Variants in AP3M2 observed in about 807,000 individuals in gnomAD.
The protein encoded by AP3M2 is adaptor related protein complex 3 subunit mu 2, also known as AP-3 complex subunit mu-2.
Under a neutral mutation model 41.6 loss-of-function variants are expected in AP3M2, and 28 were observed. That is an observed-to-expected ratio of 0.67 (90% CI 0.50 to 0.92). The LOEUF (loss-of-function observed/expected upper bound fraction) is 0.92. AP3M2 is among the 40% of genes least tolerant of loss of function. AP3M2 has a pLI of 0.00. For missense variants in AP3M2, 427 were observed against 521.4 expected, an observed-to-expected ratio of 0.82 and a Z score of 1.76; for synonymous variants, 193 against 186.4, an observed-to-expected ratio of 1.04 and a Z score of -0.29.
intron 2 of AP3M2, among the ~76,000 whole-genome samples, chr8:42,155,546 A>G (rs757791516): frequency 1.3e-5 from 2 of 152,122 alleles, no homozygotes; most frequent in Non-Finnish European, 2.9e-5. Flanking sequence ...GGCAGTTTTC[A>G]TTTTAAGCTT....
rs1234259557 is a variant in AP3M2 at position 42,167,892 on chromosome 8, C to G, written c.1156+82C>G. 7 of 1,475,680 alleles carry G rather than the reference C, an allele frequency of 4.7e-6. No homozygotes were observed. The South Asian group carries it at 8.0e-5, about 17-fold the overall frequency. The allele number at this position is 1,475,680 out of a possible 1,614,324, so 91.4% of individuals were successfully genotyped here. ...ATGGCGCAGGCACCAGGAAGCCTTT[C>G]TGGGCTTCCTGTTTACAAGGTTTAG... On this transcript the variant is annotated intron_variant, in intron 8 of 8. Transcript: ENST00000396926.
chr8:42,165,718 C>G, intron 6 of AP3M2, 158 bp downstream of exon 6: 1 of 704,318 alleles, frequency 1.4e-6, no homozygotes, highest in Non-Finnish European at 2.3e-6. Flanking sequence ...TTGCTTAACC[C>G]CTATGTATCT....
chr8:42,158,228 T>G (rs1251622494), intron 3 of AP3M2, 116 bp downstream of exon 3: 8 of 1,093,916 alleles, frequency 7.3e-6, no homozygotes, highest in Non-Finnish European at 1.0e-5. Context: ...GTCCCAGTGC[T>G]TTAATTTTGC....
At chr8:42,166,591 CAAAAAA>C (rs56858276) in intron 6 of AP3M2, among the ~76,000 whole-genome samples, 4 of 77,056 alleles carry the variant, frequency 5.2e-5, no homozygotes, top group Admixed American at 1.6e-4. Flanking sequence ...CTTGTCTCTA[CAAAAAA>C]AAAAAAAAAA....
chr8:42,154,791 C>G lies in AP3M2; in HGVS notation c.104C>G (p.Ala35Gly), dbSNP rs149242459. The G allele has an allele frequency of 6.4e-4, 1,034 of 1,614,044 alleles. No individual in the cohort carries two copies. The highest frequency in any genetic ancestry group is 8.1e-4 in the Non-Finnish European group (961 of 1,179,998). The change falls in exon 2 of 9, where the codon GCG becomes GGG. Residue 35 changes from alanine to glycine, a missense_variant. Ala to Gly is a moderately conservative substitution (Grantham distance 60). This residue lies in a region of AP3M2 where 104 missense variants were observed against 93.8 expected (regional missense o/e 1.11). Coordinates refer to ENST00000396926, the MANE Select transcript of AP3M2 (RefSeq NM_006803.4). ...SRSVCDYFFE[A>G]QERATEAENV... ...TCTGTTTGTGATTACTTTTTTGAGG[C>G]GCAAGAGAGAGCTACTGAGGCAGAA...
chr8:42,153,801 T>G (rs929060863), intron 1 of AP3M2: 1 of 152,110 alleles, frequency 6.6e-6, no homozygotes, highest in Non-Finnish European at 1.5e-5. Context: ...AGGGATCTTT[T>G]TAAATGTCTT....
At position 42,162,328 on chromosome 8, in the gene AP3M2, G is replaced by A; in HGVS notation, c.493G>A (p.Val165Met). 1 of 1,613,904 alleles carries A rather than the reference G, an allele frequency of 6.2e-7. No individual in the cohort carries two copies. ...GCTTCCCACTGGGCAGCTGTCAGTGGTGCCTTGGCGACGGACTGGGGTGAA... is the reference window on the plus strand; with the variant it reads ...GCTTCCCACTGGGCAGCTGTCAGTGATGCCTTGGCGACGGACTGGGGTGAA... Reference protein sequence around the residue: ...DQLPTGQLSVVPWRRTGVKYT... With the variant: ...DQLPTGQLSVMPWRRTGVKYT... The change falls in exon 4 of 9, where the codon GTG becomes ATG. Residue 165 changes from valine to methionine, a missense_variant. By Grantham distance (21) the Val-to-Met change is conservative. Around this residue, in one of 3 missense-constraint regions of AP3M2, gnomAD observed 86 missense variants for 142.6 expected, o/e 0.60. Coordinates refer to ENST00000396926, the MANE Select transcript of AP3M2 (RefSeq NM_006803.4).
intron 4 of AP3M2, 107 bp downstream of exon 4, chr8:42,162,525 A>C: frequency 7.6e-7 from 1 of 1,315,232 alleles, no homozygotes; most frequent in Non-Finnish European, 1.0e-6. Context: ...ATCCACTTCA[A>C]TTTAGTGCCT....
intron 2 of AP3M2, among the ~76,000 whole-genome samples, chr8:42,157,081 G>A (rs1386643308): frequency 7.9e-5 from 12 of 152,116 alleles, no homozygotes; most frequent in African/African-American, 2.9e-4. Flanking sequence ...CAGAGGTCCT[G>A]GAAAAGACAT....
In AP3M2 at chr8:42,165,078, A is replaced by C. The variant is rs1220116201; in HGVS notation, c.591A>C (p.Thr197=). The C allele has an allele frequency of 6.2e-7, 1 of 1,613,734 alleles. No individual in the cohort carries two copies. Among genetic ancestry groups the C allele is most frequent in the Non-Finnish European group, 8.5e-7 (1 of 1,179,866 alleles). Residue 197 remains threonine, a synonymous_variant, in exon 5 of 9, where the codon ACA becomes ACC. Coordinates refer to ENST00000396926, the MANE Select transcript of AP3M2 (RefSeq NM_006803.4). The part of the protein sequence containing the change: ...IDAIIDKSGS[T]ITAEIQGVID... ...GTCTTATTCCTGTCTCAGGCTCCAC[A>C]ATTACTGCTGAGATCCAGGGGGTGA... is the stretch of plus-strand genomic sequence containing the variant.
Position 42,163,877 on chromosome 8 carries a change from C to T in AP3M2, c.584-1194C>T, listed in dbSNP as rs185693089. ...TTTTACATTTTACTGTTTACCTCAA[C>T]GAAAAAGTAAAATATATATGGCCAG... On this transcript the variant is annotated intron_variant, in intron 4 of 8. Transcript: ENST00000396926. Among the ~76,000 whole-genome samples the T allele has an allele frequency of 2.0e-4, 30 of 152,118 alleles. No homozygotes were observed. In the East Asian group the frequency reaches 5.2e-3, roughly 26 times the overall value.
In AP3M2 at chr8:42,167,208, G is replaced by A. The variant is rs764412097; in HGVS notation, c.848G>A (p.Arg283Gln). ...PVYVKHNISF[R>Q]DSSSLGRFEI... The stretch of plus-strand genomic sequence containing the variant: ...TATGTCAAACATAACATCAGTTTCC[G>A]GGACAGTAGTTCCCTTGGACGCTTT... Residue 283 changes from arginine (R) to glutamine (Q), a missense_variant, in exon 7 of 9, where the codon CGG becomes CAG. Coordinates refer to ENST00000396926, the MANE Select transcript of AP3M2 (RefSeq NM_006803.4). The A allele has an allele frequency of 6.4e-5, 104 of 1,613,998 alleles. 5 individuals carry two copies. In the South Asian group the frequency reaches 9.8e-4, roughly 15 times the overall value.
intron 4 of AP3M2, among the ~76,000 whole-genome samples, chr8:42,164,832 C>T (rs1185026919): frequency 6.6e-6 from 1 of 152,150 alleles, no homozygotes. Context: ...ATCACCGTTA[C>T]CTCACCATAG....
rs1804766496 is a variant in AP3M2, at chr8:42,170,397, TG to T, written c.*1338del. On this transcript the variant is annotated 3_prime_UTR_variant, in exon 9 of 9. Transcript: ENST00000396926. ...TGTAAGCAACCCAGTTTAAGAAACA[TG>T]GCAACTAAAGGGATACCTCAGGCTT... 6.6e-6 allele frequency: 1 copy of T among 152,214 alleles called. No homozygotes were observed. The allele number at this position is 152,214 out of a possible 1,614,324, so 9.4% of individuals were successfully genotyped here.
chr8:42,165,241 C>A, intron 5 of AP3M2, 85 bp downstream of exon 5: 1 of 1,482,244 alleles, frequency 6.7e-7, no homozygotes. Context: ...TGGAATAGAA[C>A]AAGAAGAAAT....
intron 3 of AP3M2, among the ~76,000 whole-genome samples, chr8:42,159,825 A>G (rs1804456284): frequency 6.6e-6 from 1 of 152,262 alleles, no homozygotes; most frequent in African/African-American, 2.4e-5. Context: ...TTTTAAAAGT[A>G]TAAATATTGC....
At chr8:42,164,933 A>G (rs1804599801) in intron 4 of AP3M2, 138 bp from the exon 5 acceptor site, 2 of 668,726 alleles carry the variant, frequency 3.0e-6, no homozygotes, top group Non-Finnish European at 4.9e-6. Context: ...AGAAGGAAAG[A>G]AAGGGAGAGA....
rs1299144072 is a variant in AP3M2, at chr8:42,170,866, T to G, written c.*1805T>G. On this transcript the variant is annotated 3_prime_UTR_variant, in exon 9 of 9. Coordinates refer to ENST00000396926, the MANE Select transcript of AP3M2 (RefSeq NM_006803.4). ...TCCTAGGTCACTGAACAACTAATCT[T>G]GGTCCCTGAATATTTCTAGGTTTGT... The G allele has an allele frequency of 1.3e-5, 2 of 152,250 alleles. No individual in the cohort carries two copies. The highest frequency in any genetic ancestry group is 4.8e-5 in the African/African-American group (2 of 41,462). 9.4% of individuals were successfully genotyped at this position (152,250 alleles called of 1,614,324 possible).
intron 1 of AP3M2, chr8:42,153,535 T>C (rs1364715268): frequency 6.6e-6 from 1 of 152,522 alleles, no homozygotes; most frequent in African/African-American, 2.4e-5. Flanking sequence ...CAGGCGGCGC[T>C]GGGCACCGCA....
Sources: gnomAD v4.1 joint callset for allele counts (sites outside exome capture counted in the v4.1 genomes callset) on GRCh38, gnomAD v4.1.1 for gene constraint, gnomAD v4.1.1 regional missense constraint, MANE v1.5 for transcripts, NCBI Gene and HGNC (gene_info 2026-07-23, HGNC 2026-07-21) for gene names.